The following CCDC171 variants were observed in gnomAD, a reference collection of about 807,000 sequenced individuals.
CCDC171 encodes coiled-coil domain-containing protein 171.
Under a neutral mutation model 168.2 loss-of-function variants are expected in CCDC171, and 177 were observed. That is an observed-to-expected ratio of 1.05 (90% confidence interval 0.93 to 1.19). CCDC171 has a LOEUF of 1.19. Ranked by LOEUF, CCDC171 falls within the 50% of genes most tolerant of loss-of-function variation. CCDC171 has a pLI of 0.00. For synonymous variants in CCDC171, 687 were observed against 540.8 expected (o/e 1.27, Z -3.75); for missense variants, 1,991 against 1,539.0 (o/e 1.29, Z -4.91).
chr9:15,557,233 T>G (rs2038884511), intron 1 of CCDC171, among the ~76,000 whole-genome samples: 1 of 152,158 alleles, frequency 6.6e-6, no homozygotes, highest in Non-Finnish European at 1.5e-5. Flanking sequence ...GGCTCTTTTT[T>G]GGTTCCATAT....
intron 23 of CCDC171, among the ~76,000 whole-genome samples, chr9:15,871,667 C>T (rs2062042776): frequency 6.6e-6 from 1 of 151,912 alleles, no homozygotes; most frequent in Non-Finnish European, 1.5e-5. Flanking sequence ...TATTTCTTTT[C>T]ATGAACGAAC....
intron 18 of CCDC171, among the ~76,000 whole-genome samples, chr9:15,766,367 C>T (rs1298698063): frequency 6.6e-6 from 1 of 151,986 alleles, no homozygotes; most frequent in Non-Finnish European, 1.5e-5. Flanking sequence ...CCTCAGCCTC[C>T]TGTGTAGCTG....
intron 21 of CCDC171, among the ~76,000 whole-genome samples, chr9:15,790,285 A>T (rs1002155372): frequency 6.6e-6 from 1 of 152,196 alleles, no homozygotes; most frequent in Admixed American, 6.5e-5. Context: ...AATGATTGCC[A>T]TTCTAACTGG....
intron 18 of CCDC171, among the ~76,000 whole-genome samples, chr9:15,749,621 T>C (rs961723116): frequency 1.2e-4 from 19 of 152,286 alleles, no homozygotes; most frequent in Non-Finnish European, 2.6e-4. Flanking sequence ...CAACAAACTG[T>C]CTCTCAGACC....
chr9:15,798,029 T>A (rs1043459289), intron 21 of CCDC171, among the ~76,000 whole-genome samples: 8 of 152,200 alleles, frequency 5.3e-5, no homozygotes, highest in Admixed American at 3.9e-4. Context: ...AATTCCACAT[T>A]GTTTTAATTG....
chr9:15,688,487 T>C (rs1194002285), intron 10 of CCDC171, among the ~76,000 whole-genome samples: 5 of 152,166 alleles, frequency 3.3e-5, no homozygotes, highest in Non-Finnish European at 7.4e-5. Context: ...ACTAGCAAGC[T>C]GAATCCAGCA....
chr9:15,798,830 G>C (rs568115589), intron 21 of CCDC171, among the ~76,000 whole-genome samples: 62 of 152,094 alleles, frequency 4.1e-4, no homozygotes, highest in South Asian at 3.3e-3. Flanking sequence ...TAAAGTCTCT[G>C]CTATTGGCTT....
the CCDC171 span, among the ~76,000 whole-genome samples, chr9:16,082,282 A>G: frequency 6.6e-6 from 1 of 152,338 alleles, no homozygotes; most frequent in South Asian, 2.1e-4. Context: ...ATGCTATAAA[A>G]TGATTATTTC....
Position 16,006,282 on chromosome 9 carries a change from T to C in CCDC171, n.369-14307T>C, listed in dbSNP as rs77841893. On this transcript the variant is annotated intron_variant and non_coding_transcript_variant, in intron 3 of 9. Transcript: ENST00000486641. ...GTTATTATCTGACAATAACTTTTTATTGTACTCATCCTAGTGGGTGTGAAG... is the reference window on the plus strand; with the variant it reads ...GTTATTATCTGACAATAACTTTTTACTGTACTCATCCTAGTGGGTGTGAAG... 4.3e-4 allele frequency among the ~76,000 whole-genome samples: 66 copies of C among 152,362 alleles called. 1 individual carries two copies. In the East Asian group the frequency reaches 0.012, roughly 27 times the overall value.
In CCDC171 at chr9:15,810,726, C is replaced by T. The variant is rs564740293; in HGVS notation, c.3267+26032C>T. ...GGGGCCTGCCGAGCCCACGCCCACCCGGAACTCGCGCTGCCCTGTGAGTGC... is the reference window on the plus strand; with the variant it reads ...GGGGCCTGCCGAGCCCACGCCCACCTGGAACTCGCGCTGCCCTGTGAGTGC... On this transcript the variant is annotated intron_variant, in intron 21 of 25. Transcript: ENST00000380701. Among the ~76,000 whole-genome samples, 17 of 152,318 alleles carry T rather than the reference C, an allele frequency of 1.1e-4. No individual in the cohort carries two copies. In the South Asian group the frequency reaches 2.5e-3, roughly 22 times the overall value.
chr9:15,707,806 G>A (rs966320248), intron 11 of CCDC171, among the ~76,000 whole-genome samples: 2 of 152,144 alleles, frequency 1.3e-5, no homozygotes, highest in Admixed American at 1.3e-4. Context: ...AGAGAGTATA[G>A]TATTGTATAA....
chr9:15,581,140 G>C (rs1369356856), intron 4 of CCDC171, among the ~76,000 whole-genome samples: 1 of 152,088 alleles, frequency 6.6e-6, no homozygotes, highest in East Asian at 1.9e-4. Context: ...ACCAATAACA[G>C]ACAAACAGAG....
chr9:15,646,710 ATATAT>A (rs1159971768), intron 7 of CCDC171, among the ~76,000 whole-genome samples: 1 of 152,240 alleles, frequency 6.6e-6, no homozygotes, highest in Admixed American at 6.5e-5. Context: ...ACTATCCTAA[ATATAT>A]ATGCACCCAA....
chr9:15,864,905 GC>G (rs2061711830), intron 23 of CCDC171, among the ~76,000 whole-genome samples: 1 of 151,992 alleles, frequency 6.6e-6, no homozygotes, highest in South Asian at 2.1e-4. Context: ...CATTCTTGAG[GC>G]TTTTGAGAAA....
At chr9:15,814,208 G>A (rs926248107) in intron 21 of CCDC171, among the ~76,000 whole-genome samples, 4 of 152,158 alleles carry the variant, frequency 2.6e-5, no homozygotes, top group African/African-American at 7.2e-5. Flanking sequence ...ACCAGCCTCG[G>A]GCTGGGTCAT....
intron 21 of CCDC171, among the ~76,000 whole-genome samples, chr9:15,794,738 C>G (rs981847454): frequency 6.6e-6 from 1 of 152,170 alleles, no homozygotes; most frequent in East Asian, 1.9e-4. Flanking sequence ...AAAATATTTC[C>G]TATCAGAAGT....
At chr9:16,098,327 C>T in the CCDC171 span, among the ~76,000 whole-genome samples, 3 of 152,168 alleles carry the variant, frequency 2.0e-5, no homozygotes, top group African/African-American at 7.2e-5. Flanking sequence ...CAAATGGTCT[C>T]TAGTGTCATC....
At chr9:15,701,469 A>G (rs1227296824) in intron 11 of CCDC171, among the ~76,000 whole-genome samples, 1 of 152,138 alleles carries the variant, frequency 6.6e-6, no homozygotes, top group Non-Finnish European at 1.5e-5. Flanking sequence ...ATAATTTCTT[A>G]AGATGACAGT....
intron 8 of CCDC171, among the ~76,000 whole-genome samples, chr9:15,659,214 T>A (rs1248724238): frequency 6.6e-6 from 1 of 152,202 alleles, no homozygotes; most frequent in Non-Finnish European, 1.5e-5. Flanking sequence ...TTTCTTTATA[T>A]TCTCTCAAGC....
Sources: gnomAD v4.1 joint callset for allele counts (sites outside exome capture counted in the v4.1 genomes callset) on GRCh38, gnomAD v4.1.1 for gene constraint, MANE v1.5 for transcripts, NCBI Gene and HGNC (gene_info 2026-07-23, HGNC 2026-07-21) for gene names.